Variants in VPS35L observed in about 807,000 individuals in gnomAD.
VPS35L encodes VPS35 endosomal protein sorting factor like, also known as VPS35 endosomal protein-sorting factor-like.
VPS35L carries 83 observed loss-of-function variants against 133.0 expected under a neutral mutation model. The observed-to-expected ratio is 0.62, with a 90% CI of 0.52 to 0.75. The LOEUF (loss-of-function observed/expected upper bound fraction) is 0.75, where lower values mean the gene tolerates loss of function less well. Ranked by LOEUF, VPS35L falls within the 30% of genes least tolerant of loss-of-function variation. The pLI is 0.00. For synonymous variants in VPS35L, 423 were observed against 449.9 expected, an observed-to-expected ratio of 0.94 and a Z score of 0.76; for missense variants, 1,083 against 1,206.8, an observed-to-expected ratio of 0.90 and a Z score of 1.52.
In VPS35L at chr16:19,652,115, G is replaced by A. The variant is rs560804361; in HGVS notation, c.2221+25G>A. On this transcript the variant is annotated intron_variant, in intron 26 of 30. Transcript: ENST00000417362. ...GGTAAGTCCATCATTCTCTCATCTC[G>A]GGCACTCCCTTGCTGCTTAGGAAAA... 27 of 1,477,178 alleles carry A rather than the reference G, an allele frequency of 1.8e-5. No individual in the cohort carries two copies. The Admixed American group carries it at 2.6e-4, about 14-fold the overall frequency. 91.5% of individuals were successfully genotyped at this position (1,477,178 alleles called of 1,614,324 possible).
chr16:19,694,074 A>G (rs1014462053), intron 29 of VPS35L: 5 of 152,322 alleles, frequency 3.3e-5, no homozygotes, highest in South Asian at 2.1e-4. Context: ...CAAAATAGCT[A>G]TAAGAGAAGA....
intron 23 of VPS35L, among the ~76,000 whole-genome samples, chr16:19,645,329 G>A (rs1381880058): frequency 1.4e-5 from 2 of 143,662 alleles, no homozygotes; most frequent in African/African-American, 5.2e-5. Flanking sequence ...TCGCTCTGTC[G>A]CCCAGGCTGG....
At chr16:19,610,584 C>T in intron 12 of VPS35L, 169 bp downstream of exon 12, 1 of 454,782 alleles carries the variant, frequency 2.2e-6, no homozygotes, top group South Asian at 5.7e-5. Flanking sequence ...TGTAGGGTTT[C>T]TTTTAAAAAT....
rs748229939 is a variant in VPS35L, at chr16:19,691,398, C to T, written c.2573C>T (p.Ala858Val). 6.2e-7 allele frequency: 1 copy of T among 1,614,004 alleles called. No individual in the cohort carries two copies. Among genetic ancestry groups the T allele is most frequent in the Admixed American group, 1.7e-5 (1 of 60,004 alleles). Residue 858 changes from alanine (A) to valine (V), a missense_variant, in exon 29 of 31, where the codon GCA becomes GTA. Physicochemically the swap from Ala to Val is moderately conservative, Grantham distance 64. Transcript: ENST00000417362. ...SLYGGDSKFLAENNKLCETVM... is the reference protein window; with the variant it reads ...SLYGGDSKFLVENNKLCETVM... ...TACGGGGGAGACTCCAAGTTCCTGG[C>T]AGAAAACAACAAGCTGTGTGAGACG...
intron 7 of VPS35L, among the ~76,000 whole-genome samples, chr16:19,587,565 C>T (rs1307120785): frequency 4.0e-5 from 6 of 148,764 alleles, no homozygotes; most frequent in African/African-American, 1.5e-4. Flanking sequence ...ACCCAGGAGG[C>T]GGAGGTTGCG....
intron 12 of VPS35L, among the ~76,000 whole-genome samples, chr16:19,611,961 A>T (rs1410599154): frequency 6.8e-6 from 1 of 147,854 alleles, no homozygotes; most frequent in African/African-American, 2.5e-5. Flanking sequence ...TTTTTTTGAG[A>T]TGGAGTCTCA....
chr16:19,585,724 C>T (rs956218888), intron 7 of VPS35L, among the ~76,000 whole-genome samples: 1 of 151,568 alleles, frequency 6.6e-6, no homozygotes, highest in Admixed American at 6.6e-5. Context: ...TGTTATAACC[C>T]TCCTACTATC....
intron 8 of VPS35L, among the ~76,000 whole-genome samples, chr16:19,595,097 G>A (rs944493856): frequency 3.9e-5 from 6 of 152,188 alleles, no homozygotes; most frequent in Non-Finnish European, 7.3e-5. Flanking sequence ...AAACTGACAT[G>A]GTCAGAGATC....
chr16:19,605,991 T>C (rs1192735657), intron 9 of VPS35L, among the ~76,000 whole-genome samples: 1 of 152,204 alleles, frequency 6.6e-6, no homozygotes, highest in Non-Finnish European at 1.5e-5. Flanking sequence ...GAATATAATA[T>C]TTAGTTTGCT....
rs760998622 is a variant in VPS35L at position 19,699,898 on chromosome 16, C to T, written c.2793+250C>T. The stretch of plus-strand genomic sequence containing the variant: ...GGATCGCTTGAGGCTAAGGGTTTGA[C>T]ACCAGCCTGGGCAACATAGTGAGAC... On this transcript the variant is annotated intron_variant, in intron 30 of 30. Coordinates refer to ENST00000417362, the MANE Select transcript of VPS35L (RefSeq NM_020314.7). The surrounding 1 kb of genome is among the most constrained non-coding windows in gnomAD (Gnocchi z 4.2). Among the ~76,000 whole-genome samples, 4 of 152,112 alleles carry T rather than the reference C, an allele frequency of 2.6e-5. No individual in the cohort carries two copies. Among genetic ancestry groups the T allele is most frequent in the South Asian group, 2.1e-4 (1 of 4,826 alleles).
intron 8 of VPS35L, among the ~76,000 whole-genome samples, chr16:19,594,164 C>A (rs886113582): frequency 2.0e-5 from 3 of 152,086 alleles, no homozygotes; most frequent in Non-Finnish European, 4.4e-5. Context: ...ATTATCCAGG[C>A]CTGGGTCACC....
At chr16:19,624,591 C>CA (rs151293562) in intron 14 of VPS35L, among the ~76,000 whole-genome samples, 31,024 of 151,678 alleles carry the variant, frequency 0.2, 3,888 homozygotes, top group Non-Finnish European at 0.27. Context: ...CTCTCTGTCT[C>CA]AAAAAACAAA....
At chr16:19,560,362 G>A (rs913983809) in intron 1 of VPS35L, among the ~76,000 whole-genome samples, 3 of 152,188 alleles carry the variant, frequency 2.0e-5, no homozygotes, top group Non-Finnish European at 4.4e-5. Context: ...TTGATCTAGC[G>A]TTTGCTCAGC....
intron 14 of VPS35L, among the ~76,000 whole-genome samples, chr16:19,625,210 G>A (rs1212760568): frequency 1.3e-5 from 2 of 152,240 alleles, no homozygotes; most frequent in South Asian, 2.1e-4. Context: ...ATCACTAACT[G>A]TGCGACCTTG....
intron 26 of VPS35L, among the ~76,000 whole-genome samples, chr16:19,661,517 C>T (rs934198773): frequency 2.0e-5 from 3 of 152,200 alleles, no homozygotes; most frequent in African/African-American, 7.2e-5. Context: ...TGGGAGGTTA[C>T]TGCCCCTGAA....
intron 7 of VPS35L, among the ~76,000 whole-genome samples, chr16:19,588,023 C>T (rs1971926154): frequency 2.6e-5 from 4 of 151,524 alleles, no homozygotes; most frequent in African/African-American, 9.7e-5. Context: ...TGGTCTCGAA[C>T]TCCTGACCTC....
At chr16:19,557,446 C>T (rs1384736116) in intron 1 of VPS35L, among the ~76,000 whole-genome samples, 4 of 152,134 alleles carry the variant, frequency 2.6e-5, no homozygotes, top group Admixed American at 1.3e-4. Flanking sequence ...ATTGCAGTGG[C>T]GTGATCTTGG....
intron 8 of VPS35L, among the ~76,000 whole-genome samples, chr16:19,597,277 A>G (rs956689855): frequency 3.3e-5 from 5 of 152,006 alleles, no homozygotes; most frequent in African/African-American, 4.8e-5. Flanking sequence ...AGGCAGAGGC[A>G]GGCAGATTCC....
intron 14 of VPS35L, among the ~76,000 whole-genome samples, chr16:19,622,944 C>T (rs917996534): frequency 6.6e-6 from 1 of 152,124 alleles, no homozygotes; most frequent in Admixed American, 6.5e-5. Context: ...CTCGGGTGAT[C>T]AGCTTCAGTG....
Sources: allele counts gnomAD v4.1 joint callset (sites outside exome capture counted in the v4.1 genomes callset), GRCh38; gene constraint gnomAD v4.1.1; non-coding constraint Gnocchi (gnomAD v3.1); transcripts MANE v1.5; gene names NCBI Gene and HGNC (gene_info 2026-07-23, HGNC 2026-07-21).